DLC1: variants seen among roughly 807,000 people sequenced by gnomAD.
DLC1 encodes the protein DLC1 Rho GTPase activating protein.
DLC1 carries 54 observed loss-of-function variants against 140.3 expected under a neutral mutation model. The observed-to-expected ratio is 0.38, with a 90% CI of 0.31 to 0.48. DLC1 has a LOEUF of 0.48. DLC1 is among the 20% of genes least tolerant of loss of function. The pLI is 0.96. For missense variants in DLC1, 2,536 were observed against 1,907.0 expected (o/e 1.33, Z -6.14); for synonymous variants, 986 against 728.1 (o/e 1.35, Z -5.70).
In DLC1 at chr8:13,182,311, G is replaced by T. The variant is rs1014363268; in HGVS notation, c.1349-66654C>A. 2.0e-5 allele frequency among the ~76,000 whole-genome samples: 3 copies of T among 151,976 alleles called. No homozygotes were observed. In the East Asian group the frequency reaches 5.8e-4, roughly 29 times the overall value. On this transcript the variant is annotated intron_variant, in intron 5 of 17. Transcript: ENST00000276297. ...TTGTAGTTTCTTTTGCTGTGCAGAA[G>T]CTCTTTAGTTTAATTAGATCCCATT...
chr8:13,545,938 A>G (rs770995098), intron 1 of DLC1, among the ~76,000 whole-genome samples: 29 of 152,092 alleles, frequency 1.9e-4, no homozygotes, highest in Admixed American at 3.3e-4. Context: ...TAAACATATT[A>G]CTATTTTAAA....
chr8:13,581,976 T>G (rs1805116010), intron 1 of DLC1, among the ~76,000 whole-genome samples: 1 of 152,156 alleles, frequency 6.6e-6, no homozygotes, highest in Non-Finnish European at 1.5e-5. Context: ...TGTGAGTGTG[T>G]GTGTGGGTGT....
At chr8:13,419,576 G>T (rs935835958) in intron 2 of DLC1, among the ~76,000 whole-genome samples, 15 of 152,158 alleles carry the variant, frequency 9.9e-5, no homozygotes, top group Admixed American at 8.5e-4. Context: ...TTTGATCATG[G>T]TGGATAAGCT....
chr8:13,395,525 C>A (rs1837000080), intron 3 of DLC1, among the ~76,000 whole-genome samples: 1 of 152,154 alleles, frequency 6.6e-6, no homozygotes, highest in Non-Finnish European at 1.5e-5. Context: ...TAGAATAGTG[C>A]CTGGCAGATA....
chr8:13,602,188 G>T (rs1354404796), intron 1 of DLC1, among the ~76,000 whole-genome samples: 2 of 151,686 alleles, frequency 1.3e-5, no homozygotes, highest in Non-Finnish European at 1.5e-5. Flanking sequence ...AATCCAGAAA[G>T]AAAAAGTGTA....
At chr8:13,564,756 A>T (rs1563443538) in intron 1 of DLC1, among the ~76,000 whole-genome samples, 1 of 152,220 alleles carries the variant, frequency 6.6e-6, no homozygotes, top group Non-Finnish European at 1.5e-5. Flanking sequence ...TCATTAAGGA[A>T]AAAGCTGGGA....
chr8:13,267,280 T>G (rs1830725560), intron 5 of DLC1, among the ~76,000 whole-genome samples: 1 of 152,090 alleles, frequency 6.6e-6, no homozygotes, highest in Admixed American at 6.6e-5. Flanking sequence ...TAGCATATTC[T>G]AAAGGTAGAT....
intron 4 of DLC1, chr8:13,341,985 G>C (rs1834077700): frequency 6.6e-6 from 1 of 152,176 alleles, no homozygotes; most frequent in Admixed American, 6.5e-5. Flanking sequence ...ATTTATTTTA[G>C]TAATAAAGAT....
intron 4 of DLC1, among the ~76,000 whole-genome samples, chr8:13,309,776 C>A (rs186630424): frequency 2.0e-4 from 30 of 152,196 alleles, no homozygotes; most frequent in African/African-American, 6.7e-4. Flanking sequence ...AAGCTGCTAA[C>A]GTAAATAGCA....
chr8:13,582,052 G>C (rs1306740210), intron 1 of DLC1, among the ~76,000 whole-genome samples: 1 of 152,068 alleles, frequency 6.6e-6, no homozygotes, highest in Non-Finnish European at 1.5e-5. Flanking sequence ...GAAGGGATTG[G>C]AGAAAAAACA....
chr8:13,165,571 C>T (rs1284490781), intron 5 of DLC1, among the ~76,000 whole-genome samples: 2 of 152,184 alleles, frequency 1.3e-5, no homozygotes, highest in Non-Finnish European at 2.9e-5. Context: ...AGACACTTGG[C>T]CAGGATTTCT....
chr8:13,333,971 G>C (rs1026776328), intron 4 of DLC1, among the ~76,000 whole-genome samples: 1 of 152,128 alleles, frequency 6.6e-6, no homozygotes, highest in Admixed American at 6.5e-5. Context: ...TTGCTCATGA[G>C]GCTGACCTTC....
intron 1 of DLC1, among the ~76,000 whole-genome samples, chr8:13,591,632 G>GC (rs1554549323): frequency 1.3e-5 from 2 of 150,558 alleles, no homozygotes; most frequent in Non-Finnish European, 3.0e-5. Context: ...TATTAGGAGT[G>GC]TTTTTTTTTC....
intron 2 of DLC1, among the ~76,000 whole-genome samples, chr8:13,493,015 G>A (rs1801333890): frequency 6.6e-6 from 1 of 152,188 alleles, no homozygotes; most frequent in African/African-American, 2.4e-5. Flanking sequence ...CTAAGAATAT[G>A]TTGGATAAGA....
intron 1 of DLC1, among the ~76,000 whole-genome samples, chr8:13,510,171 CT>C (rs5889447): frequency 0.87 from 116,253 of 133,058 alleles, 51,853 homozygotes; most frequent in East Asian, 0.98. Context: ...ATTCTTTATT[CT>C]TTTTTTTTTT....
chr8:13,366,065 T>A (rs5010744), intron 4 of DLC1, among the ~76,000 whole-genome samples: 19,698 of 152,234 alleles, frequency 0.13, 1,416 homozygotes, highest in Non-Finnish European at 0.16. Flanking sequence ...TTAATTTCTA[T>A]GCTTTCAGCT....
chr8:13,579,357 AT>A lies in DLC1; in HGVS notation c.-126+25179del, dbSNP rs1563454078. ...TATATATATATATATATATATATAT[AT>A]ATATTTTTATATAATACATATTTAT... On this transcript the variant is annotated intron_variant, in intron 1 of 1. Transcript: ENST00000631382. 3.4e-3 allele frequency among the ~76,000 whole-genome samples: 94 copies of A among 27,554 alleles called. 20 individuals are homozygous for A. The highest frequency in any genetic ancestry group is 7.5e-3 in the African/African-American group (41 of 5,432). The allele number at this position is 27,554 out of a possible 152,430, so 18.1% of individuals were successfully genotyped here. A position where few individuals can be genotyped will look rare whatever the true frequency, so the allele number is the denominator to read the frequency against.
At chr8:13,554,435 T>C (rs1237972196) in intron 1 of DLC1, among the ~76,000 whole-genome samples, 3 of 152,182 alleles carry the variant, frequency 2.0e-5, no homozygotes, top group Non-Finnish European at 1.5e-5. Context: ...ACTTATGTAC[T>C]GAAATACCTG....
chr8:13,203,661 T>C (rs148056719), intron 5 of DLC1, among the ~76,000 whole-genome samples: 3 of 152,312 alleles, frequency 2.0e-5, no homozygotes, highest in Non-Finnish European at 1.5e-5. Context: ...CCTCCCTCTG[T>C]GGTGTACTCG....
Sources: allele counts gnomAD v4.1 joint callset (sites outside exome capture counted in the v4.1 genomes callset), GRCh38; gene constraint gnomAD v4.1.1; transcripts MANE v1.5; gene names NCBI Gene and HGNC (gene_info 2026-07-23, HGNC 2026-07-21).